CCDC125: variants seen among roughly 807,000 people sequenced by gnomAD.
CCDC125 encodes the protein coiled-coil domain containing 125, also known as coiled-coil domain-containing protein 125.
A neutral mutation model predicts 57.4 loss-of-function variants in CCDC125; 43 were observed. The observed-to-expected ratio is 0.75, with a 90% CI of 0.59 to 0.97. CCDC125 has a LOEUF of 0.97. Ranked by LOEUF, CCDC125 falls within the 50% of genes least tolerant of loss-of-function variation. The pLI is 0.00. For missense variants in CCDC125, 563 were observed against 595.7 expected, an observed-to-expected ratio of 0.95 and a Z score of 0.57; for synonymous variants, 187 against 195.2, an observed-to-expected ratio of 0.96 and a Z score of 0.35.
At chr5:69,297,291 T>G (rs1033487345) in intron 8 of CCDC125, among the ~76,000 whole-genome samples, 1 of 152,110 alleles carries the variant, frequency 6.6e-6, no homozygotes, top group Middle Eastern at 3.4e-3. Flanking sequence ...TCCACCTGCC[T>G]CGGCATCCCA....
At chr5:69,318,943 C>CTT (rs766942800) in intron 2 of CCDC125, among the ~76,000 whole-genome samples, 3 of 142,868 alleles carry the variant, frequency 2.1e-5, no homozygotes, top group Non-Finnish European at 3.1e-5. Flanking sequence ...GGTTTTTTTT[C>CTT]TTTTTTTTTT....
chr5:69,318,416 C>T (rs981098958), intron 2 of CCDC125, among the ~76,000 whole-genome samples: 1 of 151,414 alleles, frequency 6.6e-6, no homozygotes. Context: ...TACTGCACTC[C>T]ACCTTAGTGA....
downstream of CCDC125, among the ~76,000 whole-genome samples, chr5:69,279,213 TTG>T (rs1491021176): frequency 2.1e-5 from 3 of 145,424 alleles, no homozygotes; most frequent in Non-Finnish European, 3.0e-5. Context: ...TTTTTTTTTT[TTG>T]GAGATGGAGT....
intron 1 of CCDC125, among the ~76,000 whole-genome samples, chr5:69,322,894 G>A (rs190111338): frequency 6.6e-6 from 1 of 151,916 alleles, no homozygotes; most frequent in African/African-American, 2.4e-5. Context: ...GGTGGCACAC[G>A]CCTACTCAGG....
chr5:69,292,886 G>A (rs1197499064), intron 9 of CCDC125, among the ~76,000 whole-genome samples: 1 of 150,868 alleles, frequency 6.6e-6, no homozygotes, highest in African/African-American at 2.4e-5. Flanking sequence ...TGTCGCCCAG[G>A]CTGGAGTGCA....
intron 11 of CCDC125, 35 bp from the exon 12 acceptor site, chr5:69,283,069 T>G: frequency 6.8e-7 from 1 of 1,478,158 alleles, no homozygotes; most frequent in Non-Finnish European, 9.1e-7. Flanking sequence ...TACAAGTTAG[T>G]CAATAAATCA....
In CCDC125 at chr5:69,294,773, C is replaced by T; in HGVS notation, c.924+20G>A. 8 of 1,538,992 alleles carry T rather than the reference C, an allele frequency of 5.2e-6. No homozygotes were observed. Among genetic ancestry groups the T allele is most frequent in the Non-Finnish European group, 7.1e-6 (8 of 1,119,926 alleles). On this transcript the variant is annotated intron_variant, in intron 9 of 11. Transcript: ENST00000396496. ...CAGAGAAACAAAACTAAAGCTTTTGCTGTTGTGATAACGCAATACCTCTTG... is the reference window on the plus strand; with the variant it reads ...CAGAGAAACAAAACTAAAGCTTTTGTTGTTGTGATAACGCAATACCTCTTG...
intron 8 of CCDC125, among the ~76,000 whole-genome samples, chr5:69,296,350 G>A (rs757587806): frequency 1.3e-5 from 2 of 151,980 alleles, no homozygotes; most frequent in Non-Finnish European, 2.9e-5. Context: ...TCAGGAGTTC[G>A]AAACCAGCCG....
chr5:69,311,126 G>A lies in CCDC125; in HGVS notation c.445C>T (p.Gln149Ter), dbSNP rs369090507. 1.4e-5 allele frequency: 22 copies of A among 1,601,332 alleles called. No homozygotes were observed. In the African/African-American group the frequency reaches 2.8e-4, roughly 20 times the overall value. The change falls in exon 4 of 12, where the codon CAA becomes TAA. Residue 149 changes from glutamine to a stop codon, truncating the protein, a stop_gained. Transcript: ENST00000396496. LOFTEE classifies it high-confidence loss of function. ...RGKEEALKIL[Q>*]SMAILGKATS... ...TAAAAACAACTTCTTACCATGCTTT[G>A]AAGAATTTTCAATGCTTCCTCTTTA...
At position 69,282,654 on chromosome 5, in the gene CCDC125, G is replaced by C. The variant is rs1445419108; in HGVS notation, c.*75C>G. On this transcript the variant is annotated 3_prime_UTR_variant, in exon 12 of 12. Transcript: ENST00000396496. ...GAAACATACAACTTCTCAAGATGCA[G>C]CAAAATTTACAAAATCATTTTTCAA... is the stretch of plus-strand genomic sequence containing the variant. 7.6e-7 allele frequency: 1 copy of C among 1,310,384 alleles called. No homozygotes were observed. The highest frequency in any genetic ancestry group is 1.0e-6 in the Non-Finnish European group (1 of 956,368). The allele number at this position is 1,310,384 out of a possible 1,614,324, so 81.2% of individuals were successfully genotyped here. A position where few individuals can be genotyped will look rare whatever the true frequency, so the allele number is the denominator to read the frequency against.
At chr5:69,305,067 A>G (rs1757118259) in intron 6 of CCDC125, among the ~76,000 whole-genome samples, 1 of 151,778 alleles carries the variant, frequency 6.6e-6, no homozygotes, top group Non-Finnish European at 1.5e-5. Flanking sequence ...TATTTCATGG[A>G]AAAAAAAGAT....
intron 11 of CCDC125, among the ~76,000 whole-genome samples, chr5:69,283,381 A>G (rs13356824): frequency 0.22 from 33,329 of 150,962 alleles, 4,874 homozygotes; most frequent in Non-Finnish European, 0.33. Flanking sequence ...CACCACACCC[A>G]GCTAATTTTT....
intron 1 of CCDC125, among the ~76,000 whole-genome samples, chr5:69,328,416 A>G (rs1760993008): frequency 6.6e-6 from 1 of 152,068 alleles, no homozygotes; most frequent in African/African-American, 2.4e-5. Flanking sequence ...TTAGAGTTAT[A>G]GTGTATTTAA....
Position 69,282,696 on chromosome 5 carries a change from C to A in CCDC125, c.*33G>T, listed in dbSNP as rs1752602287. 3 of 1,502,410 alleles carry A rather than the reference C, an allele frequency of 2.0e-6. No individual in the cohort carries two copies. Among genetic ancestry groups the A allele is most frequent in the Non-Finnish European group, 2.7e-6 (3 of 1,118,170 alleles). 93.1% of individuals were successfully genotyped at this position (1,502,410 alleles called of 1,614,324 possible). A position where few individuals can be genotyped will look rare whatever the true frequency, so the allele number is the denominator to read the frequency against. On this transcript the variant is annotated 3_prime_UTR_variant, in exon 12 of 12. Transcript: ENST00000396496. The stretch of plus-strand genomic sequence containing the variant: ...ATTTTTCAAAGTATCTCGATATAAA[C>A]AACTCTCAGTTCCAATTTCAACTGG...
At position 69,282,430 on chromosome 5, in the gene CCDC125, C is replaced by A. The variant is rs542160341; in HGVS notation, c.*299G>T. ...TACAAAAATTAGCTGGGCGTGGTGG[C>A]ACATGCCTGTAATCCGAGTTACTCG... On this transcript the variant is annotated 3_prime_UTR_variant, in exon 12 of 12. Transcript: ENST00000396496. The A allele has an allele frequency of 1.6e-4, 37 of 235,390 alleles. 1 individual carries two copies. The Middle Eastern group carries it at 7.2e-3, about 46-fold the overall frequency. The allele number at this position is 235,390 out of a possible 1,614,324, so 14.6% of individuals were successfully genotyped here. A position where few individuals can be genotyped will look rare whatever the true frequency, so the allele number is the denominator to read the frequency against.
chr5:69,324,899 G>A (rs1365887993), intron 1 of CCDC125, among the ~76,000 whole-genome samples: 2 of 152,054 alleles, frequency 1.3e-5, no homozygotes, highest in Admixed American at 6.6e-5. Flanking sequence ...TGAAATACTG[G>A]GAAAACTAAC....
chr5:69,287,057 A>G (rs1753622821), intron 10 of CCDC125, among the ~76,000 whole-genome samples: 1 of 151,874 alleles, frequency 6.6e-6, no homozygotes, highest in Non-Finnish European at 1.5e-5. Flanking sequence ...ATGCCTATAA[A>G]CTACTTCCGG....
Position 69,303,847 on chromosome 5 carries a change from C to A in CCDC125, c.700G>T (p.Val234Phe), listed in dbSNP as rs1756905424. The A allele has an allele frequency of 6.4e-7, 1 of 1,560,108 alleles. No individual in the cohort carries two copies. Among genetic ancestry groups the A allele is most frequent in the Non-Finnish European group, 8.8e-7 (1 of 1,139,474 alleles). ...CTCTTAATACAAAAATCATCATTAC[C>A]TGCATTGTCAGACTTCAGCATTTTA... ...EIKMLKSDNAVLNQRYLEALA... is the reference protein window; with the variant it reads ...EIKMLKSDNAFLNQRYLEALA... Residue 234 changes from valine to phenylalanine, a missense_variant and splice_region_variant, in exon 7 of 12, where the codon GTT becomes TTT. Val to Phe is a conservative substitution (Grantham distance 50). Coordinates refer to ENST00000396496, the MANE Select transcript of CCDC125 (RefSeq NM_176816.5).
At chr5:69,328,166 G>T (rs1228104557) in intron 1 of CCDC125, among the ~76,000 whole-genome samples, 1 of 152,122 alleles carries the variant, frequency 6.6e-6, no homozygotes, top group Non-Finnish European at 1.5e-5. Flanking sequence ...AAAGTGCTGG[G>T]ATTATAGGCG....
Sources: gnomAD v4.1 joint callset for allele counts (sites outside exome capture counted in the v4.1 genomes callset) on GRCh38, gnomAD v4.1.1 for gene constraint, MANE v1.5 for transcripts, NCBI Gene and HGNC (gene_info 2026-07-23, HGNC 2026-07-21) for gene names.